The following PC variants were observed in gnomAD, a reference collection of about 807,000 sequenced individuals.
The protein encoded by PC is pyruvate carboxylase.
Under a neutral mutation model 107.8 loss-of-function variants are expected in PC, and 46 were observed. That is an observed-to-expected ratio of 0.43 (90% CI 0.34 to 0.55). The LOEUF is 0.55. Ranked by LOEUF, PC falls within the 20% of genes least tolerant of loss-of-function variation. The pLI, the probability that PC is intolerant of heterozygous loss-of-function variation, is 0.04. For missense variants in PC, 1,241 were observed against 1,643.1 expected, an observed-to-expected ratio of 0.76 and a Z score of 4.23; for synonymous variants, 662 against 684.7, an observed-to-expected ratio of 0.97 and a Z score of 0.52.
At chr11:66,908,696 G>GGC (rs1948242180) in intron 3 of PC, among the ~76,000 whole-genome samples, 4 of 152,060 alleles carry the variant, frequency 2.6e-5, no homozygotes, top group Admixed American at 2.6e-4. Flanking sequence ...TGCATGGTTC[G>GGC]GCGCGCTCAC....
chr11:66,851,091 C>T lies in PC; in HGVS notation c.2172G>A (p.Met724Ile). ...CTCGCACCAGCTCTTCGGCCAAGCCCATGTAGTACTGCAGTGAGTACTTGG... is the reference window on the plus strand; with the variant it reads ...CTCGCACCAGCTCTTCGGCCAAGCCTATGTAGTACTGCAGTGAGTACTTGG... Reference protein sequence around the residue: ...SRTKYSLQYYMGLAEELVRAG... With the variant: ...SRTKYSLQYYIGLAEELVRAG... Residue 724 changes from methionine (M) to isoleucine (I), a missense_variant, in exon 17 of 23, where the codon ATG becomes ATA. Coordinates refer to ENST00000393960, the MANE Select transcript of PC (RefSeq NM_001040716.2). The T allele has an allele frequency of 6.2e-7, 1 of 1,613,368 alleles. No homozygotes were observed. Among genetic ancestry groups the T allele is most frequent in the Non-Finnish European group, 8.5e-7 (1 of 1,180,026 alleles).
rs780215837 is a variant in PC, at chr11:66,866,297, C to T, written c.1075G>A (p.Asp359Asn). The T allele has an allele frequency of 5.3e-5, 85 of 1,612,552 alleles. No homozygotes were observed. In the Admixed American group the frequency reaches 1.3e-3, roughly 24 times the overall value. ...IHVAEGRSLP[D>N]LGLRQENIRI... is the part of the protein sequence containing the mutation. ...ATGTTCTCCTGCCGCAGGCCCAGGT[C>T]GGGTAGGCTCCTGCCCTCAGCCACG... Residue 359 changes from aspartate to asparagine, a missense_variant, in exon 11 of 23, where the codon GAC becomes AAC. Asp to Asn is a conservative substitution (Grantham distance 23). Around this residue, in one of 2 missense-constraint regions of PC, gnomAD observed 1,143 missense variants for 1,551.9 expected, o/e 0.74. Coordinates refer to ENST00000393960, the MANE Select transcript of PC (RefSeq NM_001040716.2). This position sits in a 1 kb window ranked among gnomAD's most constrained non-coding sequence, Gnocchi z 5.4.
intron 1 of PC, among the ~76,000 whole-genome samples, 156 bp downstream of exon 1, chr11:66,958,166 C>G (rs1591330209): frequency 1.3e-5 from 2 of 152,020 alleles, no homozygotes; most frequent in East Asian, 3.9e-4. Flanking sequence ...CCGCGCACAG[C>G]CCGTCGCTGT....
Position 66,896,922 on chromosome 11 carries a change from T to TTTTG in PC, c.1-24767_1-24764dup, listed in dbSNP as rs142954680. Among the ~76,000 whole-genome samples, 412 of 152,168 alleles carry TTTTG rather than the reference T, an allele frequency of 2.7e-3. 2 individuals carry two copies. The highest frequency in any genetic ancestry group is 9.4e-3 in the African/African-American group (390 of 41,540). Reference sequence around the variant, plus strand: ...CTCTTTCACTGCTGATCCTTTTGTTTTTTGTTTGTTTGTTTGTTTGTTTTT... The same window carrying TTTTG: ...CTCTTTCACTGCTGATCCTTTTGTTTTTTGTTTGTTTGTTTGTTTGTTTGTTTTT... On this transcript the variant is annotated intron_variant, in intron 3 of 22. Transcript: ENST00000393960.
chr11:66,910,299 G>A (rs756389026), intron 3 of PC, among the ~76,000 whole-genome samples: 3 of 152,072 alleles, frequency 2.0e-5, no homozygotes, highest in Non-Finnish European at 2.9e-5. Context: ...CATCTGTCTC[G>A]TCCTTGTCTT....
chr11:66,871,161 G>A lies in PC; in HGVS notation c.524C>T (p.Thr175Met), dbSNP rs1053950172. The A allele has an allele frequency of 6.8e-6, 11 of 1,613,670 alleles. No homozygotes were observed. Among genetic ancestry groups the A allele is most frequent in the South Asian group, 6.6e-5 (6 of 91,036 alleles). The stretch of plus-strand genomic sequence containing the variant: ...GAACTCGTGGGCCTCATGCAGGGAC[G>A]TGATGGGGGCATCTGTGCCAGGGAC... ...PVVPGTDAPI[T>M]SLHEAHEFSN... Residue 175 changes from threonine (T) to methionine (M), a missense_variant, in exon 7 of 23, where the codon ACG becomes ATG. Thr to Met is a moderately conservative substitution (Grantham distance 81, BLOSUM62 -1). Around this residue, in one of 2 missense-constraint regions of PC, gnomAD observed 1,143 missense variants for 1,551.9 expected, o/e 0.74. Transcript: ENST00000393960. This position sits in a 1 kb window ranked among gnomAD's most constrained non-coding sequence, Gnocchi z 7.4.
chr11:66,918,925 G>A (rs922303391), intron 3 of PC, among the ~76,000 whole-genome samples: 2 of 152,044 alleles, frequency 1.3e-5, no homozygotes, highest in Non-Finnish European at 2.9e-5. Flanking sequence ...CTATCCAGAA[G>A]TTCCTCTAAT....
intron 3 of PC, among the ~76,000 whole-genome samples, chr11:66,933,145 C>T (rs1796422865): frequency 6.6e-6 from 1 of 152,116 alleles, no homozygotes; most frequent in Admixed American, 6.5e-5. Context: ...GCTCCAAGTA[C>T]CCTGAAGGTG....
In PC at chr11:66,849,165, A is replaced by T; in HGVS notation, c.3289-18T>A. 6.2e-7 allele frequency: 1 copy of T among 1,613,736 alleles called. No individual in the cohort carries two copies. Among genetic ancestry groups the T allele is most frequent in the Non-Finnish European group, 8.5e-7 (1 of 1,180,028 alleles). ...TGCATCTCCTGAAGACACAGGGCAG[A>T]GGGGACATGACATCCTGGGCCCAGC... On this transcript the variant is annotated intron_variant, in intron 22 of 22. Coordinates refer to ENST00000393960, the MANE Select transcript of PC (RefSeq NM_001040716.2).
chr11:66,849,220 G>A lies in PC; in HGVS notation c.3288+10C>T. The stretch of plus-strand genomic sequence containing the variant: ...CCCCACCGCCTGGCTGGCCCTGGGG[G>A]AGACAATACCTTCATGGCCTGGGTG... On this transcript the variant is annotated intron_variant, in intron 22 of 22. Transcript: ENST00000393960. The A allele has an allele frequency of 1.2e-6, 2 of 1,613,804 alleles. No individual in the cohort carries two copies. The highest frequency in any genetic ancestry group is 1.7e-6 in the Non-Finnish European group (2 of 1,180,044).
At position 66,849,278 on chromosome 11, in the gene PC, G is replaced by A. The variant is rs1591110612; in HGVS notation, c.3240C>T (p.Leu1080=). The A allele has an allele frequency of 6.2e-7, 1 of 1,613,612 alleles. No individual in the cohort carries two copies. The highest frequency in any genetic ancestry group is 8.5e-7 in the Non-Finnish European group (1 of 1,180,022). Residue 1080 remains leucine, a synonymous_variant, in exon 22 of 23, where the codon CTC becomes CTT. Coordinates refer to ENST00000393960, the MANE Select transcript of PC (RefSeq NM_001040716.2). ...RAGQRQVFFE[L]NGQLRSILVK... ...CCAAGATGGACCGCAGCTGCCCATT[G>A]AGCTCAAAGAAGACCTGCCTCTGGC...
intron 3 of PC, among the ~76,000 whole-genome samples, chr11:66,876,671 C>T (rs937509731): frequency 1.3e-5 from 2 of 152,336 alleles, no homozygotes; most frequent in Middle Eastern, 3.4e-3. Flanking sequence ...GGCGAGTTAT[C>T]GGATGCTGCC....
chr11:66,924,597 C>T (rs376847319), intron 3 of PC, among the ~76,000 whole-genome samples: 49 of 152,078 alleles, frequency 3.2e-4, no homozygotes, highest in African/African-American at 9.2e-4. Flanking sequence ...ACTACAGGTG[C>T]GCACCACAAT....
chr11:66,863,792 G>T lies in PC; in HGVS notation c.1350C>A (p.Phe450Leu). ...ATKMSRALAE[F>L]RVRGVKTNIA... is the part of the protein sequence containing the mutation. ...CTCTCACCTTCACACCTCGGACGCG[G>T]AACTCCGCAAGGGCCCTGCTCATCT... Residue 450 changes from phenylalanine (F) to leucine (L), a missense_variant, in exon 12 of 23, where the codon TTC (phenylalanine) becomes TTA (leucine). Physicochemically the swap from Phe to Leu is conservative, Grantham distance 22. This residue lies in a region of PC where 1,143 missense variants were observed against 1,551.9 expected (regional missense o/e 0.74). Transcript: ENST00000393960. The T allele has an allele frequency of 6.2e-7, 1 of 1,612,120 alleles. No individual in the cohort carries two copies. The highest frequency in any genetic ancestry group is 8.5e-7 in the Non-Finnish European group (1 of 1,179,374).
chr11:66,877,247 A>G (rs1947014807), intron 3 of PC, among the ~76,000 whole-genome samples: 2 of 152,208 alleles, frequency 1.3e-5, no homozygotes, highest in African/African-American at 4.8e-5. Context: ...TTAGCCCAGC[A>G]TGATAGTGGG....
chr11:66,955,687 A>G (rs762571671), intron 1 of PC, among the ~76,000 whole-genome samples: 1 of 152,150 alleles, frequency 6.6e-6, no homozygotes, highest in Non-Finnish European at 1.5e-5. Context: ...GGCTGCTTTC[A>G]GGGAGCTTAC....
chr11:66,896,061 T>C (rs905803915), intron 3 of PC, among the ~76,000 whole-genome samples: 1 of 152,166 alleles, frequency 6.6e-6, no homozygotes, highest in Non-Finnish European at 1.5e-5. Context: ...CAAGGAAAAA[T>C]TGTTTCCAAC....
chr11:66,898,497 T>C (rs916132459), intron 3 of PC, among the ~76,000 whole-genome samples: 5 of 152,092 alleles, frequency 3.3e-5, no homozygotes, highest in African/African-American at 1.2e-4. Flanking sequence ...CTGGCCAACA[T>C]GGCAAAACCC....
chr11:66,853,442 G>T, intron 12 of PC, 59 bp from the exon 13 acceptor site: 1 of 1,601,652 alleles, frequency 6.2e-7, no homozygotes, highest in South Asian at 1.1e-5. Context: ...GGAAGGCAGA[G>T]GAGAAAAGGC....
Sources: gnomAD v4.1 joint callset for allele counts (sites outside exome capture counted in the v4.1 genomes callset) on GRCh38, gnomAD v4.1.1 for gene constraint, gnomAD v4.1.1 regional missense constraint, Gnocchi (gnomAD v3.1) non-coding constraint, MANE v1.5 for transcripts, NCBI Gene and HGNC (gene_info 2026-07-23, HGNC 2026-07-21) for gene names.